Variants in LARGE1 observed in about 807,000 individuals in gnomAD.
The protein encoded by LARGE1 is LARGE xylosyl- and glucuronyltransferase 1.
A neutral mutation model predicts 87.6 loss-of-function variants in LARGE1; 43 were observed. The observed-to-expected ratio is 0.49, with a 90% CI of 0.38 to 0.63. The LOEUF is 0.63. Ranked by LOEUF, LARGE1 falls within the 30% of genes least tolerant of loss-of-function variation. LARGE1 has a pLI of 0.00. For missense variants in LARGE1, 802 were observed against 1,000.2 expected (o/e 0.80, Z 2.67); for synonymous variants, 434 against 394.6 (o/e 1.10, Z -1.18).
At chr22:33,675,121 C>T (rs985623971) in intron 2 of LARGE1, among the ~76,000 whole-genome samples, 1 of 151,266 alleles carries the variant, frequency 6.6e-6, no homozygotes, top group Admixed American at 6.6e-5. Flanking sequence ...GGCGAAATCC[C>T]GCCTCTATCA....
chr22:33,418,476 A>G (rs2066578842), intron 7 of LARGE1, among the ~76,000 whole-genome samples: 1 of 152,180 alleles, frequency 6.6e-6, no homozygotes, highest in Admixed American at 6.5e-5. Flanking sequence ...ATTTTATAAC[A>G]TGGATGGAAA....
chr22:33,696,087 T>G (rs1304214223), intron 2 of LARGE1, among the ~76,000 whole-genome samples: 3 of 152,208 alleles, frequency 2.0e-5, no homozygotes, highest in African/African-American at 4.8e-5. Context: ...GCTTGGTGAG[T>G]GGCATACCAT....
intron 1 of LARGE1, among the ~76,000 whole-genome samples, chr22:33,881,171 T>C (rs911240127): frequency 6.6e-6 from 1 of 152,132 alleles, no homozygotes; most frequent in African/African-American, 2.4e-5. Flanking sequence ...CCTTCTTGTG[T>C]ACCAGGTTTC....
chr22:33,908,453 G>A (rs1380680242), intron 1 of LARGE1, among the ~76,000 whole-genome samples: 1 of 151,846 alleles, frequency 6.6e-6, no homozygotes, highest in Non-Finnish European at 1.5e-5. Context: ...CCGGGCAGGA[G>A]GGGTATGTGC....
At chr22:33,439,468 G>A (rs1019457081) in intron 6 of LARGE1, among the ~76,000 whole-genome samples, 1 of 151,974 alleles carries the variant, frequency 6.6e-6, no homozygotes, top group Non-Finnish European at 1.5e-5. Context: ...CTGTCCCTTC[G>A]CTGATGTACT....
At chr22:33,731,883 A>C (rs2083481433) in intron 2 of LARGE1, among the ~76,000 whole-genome samples, 1 of 152,168 alleles carries the variant, frequency 6.6e-6, no homozygotes, top group African/African-American at 2.4e-5. Flanking sequence ...TCGTTTTAAA[A>C]ACAAACAAGG....
intron 11 of LARGE1, among the ~76,000 whole-genome samples, chr22:33,167,600 C>A (rs761182635): frequency 6.6e-6 from 1 of 152,086 alleles, no homozygotes; most frequent in Non-Finnish European, 1.5e-5. Flanking sequence ...ATTAATAATT[C>A]GAGATTCAAA....
chr22:33,535,003 C>T (rs2077000438), intron 6 of LARGE1, among the ~76,000 whole-genome samples: 1 of 152,228 alleles, frequency 6.6e-6, no homozygotes, highest in Non-Finnish European at 1.5e-5. Flanking sequence ...TCCCAAGCAT[C>T]ATTATCACAA....
chr22:33,088,084 ACAT>A, the LARGE1 span, among the ~76,000 whole-genome samples: 1 of 152,174 alleles, frequency 6.6e-6, no homozygotes, highest in East Asian at 1.9e-4. Flanking sequence ...ACACACACAC[ACAT>A]CATTGATATA....
intron 11 of LARGE1, among the ~76,000 whole-genome samples, chr22:33,223,660 G>A (rs1213101196): frequency 6.6e-6 from 1 of 152,172 alleles, no homozygotes; most frequent in African/African-American, 2.4e-5. Context: ...CAGCCCTCAT[G>A]CAATTCAGCC....
intron 2 of LARGE1, among the ~76,000 whole-genome samples, chr22:33,718,583 G>T (rs2082980966): frequency 1.3e-5 from 2 of 152,232 alleles, no homozygotes; most frequent in African/African-American, 2.4e-5. Flanking sequence ...CACATGGCCA[G>T]TGGGCTAAGT....
rs184362191 is a variant in LARGE1, at chr22:33,423,175, G to T, written c.892+8986C>A. On this transcript the variant is annotated intron_variant, in intron 7 of 14. Coordinates refer to ENST00000397394, the MANE Select transcript of LARGE1 (RefSeq NM_133642.5). ...TCATGAAATGCCGAGTGCTGGTAATGTATCAGTACCATTCAGCACTCGTAG... is the reference window on the plus strand; with the variant it reads ...TCATGAAATGCCGAGTGCTGGTAATTTATCAGTACCATTCAGCACTCGTAG... Among the ~76,000 whole-genome samples the T allele has an allele frequency of 4.3e-4, 66 of 152,148 alleles. No homozygotes were observed. The East Asian group carries it at 0.011, about 26-fold the overall frequency.
the LARGE1 span, among the ~76,000 whole-genome samples, chr22:33,089,367 T>TCC: frequency 8.6e-3 from 569 of 66,326 alleles, 7 homozygotes; most frequent in African/African-American, 0.034. Context: ...CTTCTTCTTC[T>TCC]TCTCCTTCTT....
At chr22:33,377,667 C>T (rs1185502763) in intron 9 of LARGE1, among the ~76,000 whole-genome samples, 1 of 152,064 alleles carries the variant, frequency 6.6e-6, no homozygotes, top group Non-Finnish European at 1.5e-5. Flanking sequence ...TTAAGATATG[C>T]CTCACTTCCA....
intron 6 of LARGE1, among the ~76,000 whole-genome samples, chr22:33,489,542 T>C (rs906948099): frequency 6.6e-6 from 1 of 152,168 alleles, no homozygotes; most frequent in Non-Finnish European, 1.5e-5. Context: ...GTTCCTGTGG[T>C]AGTGAATAAA....
At chr22:33,170,998 C>T (rs1291388429) in intron 11 of LARGE1, among the ~76,000 whole-genome samples, 2 of 152,122 alleles carry the variant, frequency 1.3e-5, no homozygotes, top group South Asian at 2.1e-4. Context: ...ACGATAAAGT[C>T]CAGGCTGAGG....
At chr22:33,465,821 T>C (rs1228807323) in intron 6 of LARGE1, among the ~76,000 whole-genome samples, 1 of 152,234 alleles carries the variant, frequency 6.6e-6, no homozygotes, top group Non-Finnish European at 1.5e-5. Context: ...AATCTGCGTC[T>C]GCCCAAATTC....
intron 6 of LARGE1, among the ~76,000 whole-genome samples, chr22:33,441,503 G>T (rs775464664): frequency 6.6e-6 from 1 of 152,098 alleles, no homozygotes; most frequent in African/African-American, 2.4e-5. Flanking sequence ...ACCCAGACTG[G>T]AATGCAGTGG....
intron 7 of LARGE1, among the ~76,000 whole-genome samples, chr22:33,393,972 G>C (rs2147236219): frequency 6.6e-6 from 1 of 152,032 alleles, no homozygotes. Context: ...TTTAGCAACA[G>C]CTCAGTAATC....
Sources: gnomAD v4.1 joint callset for allele counts (sites outside exome capture counted in the v4.1 genomes callset) on GRCh38, gnomAD v4.1.1 for gene constraint, MANE v1.5 for transcripts, NCBI Gene and HGNC (gene_info 2026-07-23, HGNC 2026-07-21) for gene names.